The following TGFBR2 variants were observed in gnomAD, a reference collection of about 807,000 sequenced individuals.
TGFBR2 encodes the protein transforming growth factor beta receptor 2.
A neutral mutation model predicts 49.0 loss-of-function variants in TGFBR2; 18 were observed. The ratio of observed to expected loss-of-function variants is 0.37; its 90% CI spans 0.25 to 0.54. The LOEUF is 0.54. Ranked by LOEUF, TGFBR2 falls within the 20% of genes least tolerant of loss-of-function variation. The probability of loss-of-function intolerance (pLI) is 0.85; values close to 1 mark genes in which losing one functional copy is unlikely to be tolerated. For synonymous variants in TGFBR2, 282 were observed against 275.9 expected (o/e 1.02, Z -0.22); for missense variants, 525 against 722.6 (o/e 0.73, Z 3.13).
At position 30,606,846 on chromosome 3, in the gene TGFBR2, G is replaced by A; in HGVS notation, c.-38G>A. The A allele has an allele frequency of 1.5e-6, 2 of 1,362,084 alleles. No homozygotes were observed. The highest frequency in any genetic ancestry group is 1.9e-6 in the Non-Finnish European group (2 of 1,033,040). The allele number at this position is 1,362,084 out of a possible 1,614,324, so 84.4% of individuals were successfully genotyped here. Reference sequence around the variant, plus strand: ...GGTCCGGGAAGGCGCCGTCCGCTGCGCTGGGGGCTCGGTCTATGACGAGCA... The same window carrying A: ...GGTCCGGGAAGGCGCCGTCCGCTGCACTGGGGGCTCGGTCTATGACGAGCA... On this transcript the variant is annotated 5_prime_UTR_variant, in exon 1 of 7. Transcript: ENST00000295754.
intron 1 of TGFBR2, among the ~76,000 whole-genome samples, chr3:30,611,863 C>T (rs1396406088): frequency 6.6e-6 from 1 of 152,094 alleles, no homozygotes; most frequent in African/African-American, 2.4e-5. Flanking sequence ...CATTATTTGG[C>T]CAAGTTCCAC....
intron 5 of TGFBR2, among the ~76,000 whole-genome samples, chr3:30,685,159 G>C (rs1699600378): frequency 6.6e-6 from 1 of 152,176 alleles, no homozygotes; most frequent in Admixed American, 6.5e-5. Flanking sequence ...GATAGTCAGA[G>C]GAGAAAGAAC....
At chr3:30,620,722 G>A (rs185828805) in intron 1 of TGFBR2, among the ~76,000 whole-genome samples, 17 of 152,100 alleles carry the variant, frequency 1.1e-4, no homozygotes, top group Middle Eastern at 6.8e-3. Context: ...ACCATCTCAC[G>A]CAGGACAATT....
intron 2 of TGFBR2, among the ~76,000 whole-genome samples, chr3:30,649,404 G>GTACAC (rs1169147039): frequency 1.3e-5 from 2 of 152,170 alleles, no homozygotes; most frequent in Non-Finnish European, 2.9e-5. Context: ...AAAATCTAAT[G>GTACAC]TACACTGACG....
At chr3:30,661,229 T>G (rs1699121160) in intron 3 of TGFBR2, among the ~76,000 whole-genome samples, 1 of 151,998 alleles carries the variant, frequency 6.6e-6, no homozygotes, top group Non-Finnish European at 1.5e-5. Context: ...GTCAGAAAAC[T>G]GCAATAACAC....
At chr3:30,619,155 C>T (rs1222172216) in intron 1 of TGFBR2, among the ~76,000 whole-genome samples, 1 of 152,058 alleles carries the variant, frequency 6.6e-6, no homozygotes, top group Admixed American at 6.5e-5. Context: ...ATTCCTGTTG[C>T]ATCAAATCTT....
chr3:30,642,014 C>T (rs13075948), intron 1 of TGFBR2, among the ~76,000 whole-genome samples: 40,075 of 151,916 alleles, frequency 0.26, 5,521 homozygotes, highest in Non-Finnish European at 0.29. Context: ...AAGCATCGGA[C>T]TTAAACCACT....
At chr3:30,606,494 G>C (rs1405576711), upstream of TGFBR2, 1 of 248,302 alleles carries the variant, frequency 4.0e-6, no homozygotes, top group Non-Finnish European at 7.8e-6. Context: ...CTAGGGGCTG[G>C]ACGTCGAGGA....
At chr3:30,644,359 G>A (rs571286259) in intron 1 of TGFBR2, among the ~76,000 whole-genome samples, 1 of 152,264 alleles carries the variant, frequency 6.6e-6, no homozygotes, top group Admixed American at 6.5e-5. Flanking sequence ...TCTGTTTCCT[G>A]TCTTATTCAC....
intron 3 of TGFBR2, among the ~76,000 whole-genome samples, chr3:30,653,250 C>CTTTT (rs3076740): frequency 0.6 from 67,773 of 112,308 alleles, 21,740 homozygotes; most frequent in Non-Finnish European, 0.69. Flanking sequence ...GGAATGAAAA[C>CTTTT]TTTTTTTTTT....
intron 1 of TGFBR2, among the ~76,000 whole-genome samples, chr3:30,629,874 T>C (rs1188791759): frequency 6.6e-6 from 1 of 152,204 alleles, no homozygotes; most frequent in African/African-American, 2.4e-5. Context: ...GATAATGTGA[T>C]ATTTGAGCAG....
intron 3 of TGFBR2, among the ~76,000 whole-genome samples, chr3:30,654,895 A>ATT (rs1698966082): frequency 6.6e-6 from 1 of 152,242 alleles, no homozygotes; most frequent in Non-Finnish European, 1.5e-5. Flanking sequence ...GCAGTCAGAC[A>ATT]TTTAATTTGT....
chr3:30,664,782 TA>T (rs761754436), intron 3 of TGFBR2, among the ~76,000 whole-genome samples: 1 of 152,248 alleles, frequency 6.6e-6, no homozygotes, highest in African/African-American at 2.4e-5. Flanking sequence ...TCCACTATTT[TA>T]AATAAAAGTC....
At chr3:30,609,048 A>G (rs543776733) in intron 1 of TGFBR2, among the ~76,000 whole-genome samples, 45 of 152,212 alleles carry the variant, frequency 3.0e-4, no homozygotes, top group Non-Finnish European at 5.3e-4. Flanking sequence ...CATTTCATCA[A>G]TATACACACT....
At chr3:30,658,922 C>T (rs1699058131) in intron 3 of TGFBR2, among the ~76,000 whole-genome samples, 1 of 152,170 alleles carries the variant, frequency 6.6e-6, no homozygotes, top group Admixed American at 6.5e-5. Flanking sequence ...TGATCGCATG[C>T]ATTGAGCATT....
chr3:30,620,680 T>C (rs1698212951), intron 1 of TGFBR2, among the ~76,000 whole-genome samples: 3 of 152,156 alleles, frequency 2.0e-5, no homozygotes, highest in East Asian at 1.9e-4. Context: ...ATTATGACTA[T>C]AGAGACCAGG....
chr3:30,607,799 A>AAATATATATATATATATTATATATATAT (rs1367214755), intron 1 of TGFBR2, among the ~76,000 whole-genome samples: 5 of 138,316 alleles, frequency 3.6e-5, no homozygotes, highest in African/African-American at 1.4e-4. Context: ...AAAATAAAAA[A>AAATATATATATATATATTATATATATAT]ATATATATAT....
intron 3 of TGFBR2, among the ~76,000 whole-genome samples, chr3:30,658,156 G>T (rs9844113): frequency 1.7e-4 from 26 of 152,156 alleles, no homozygotes; most frequent in African/African-American, 5.8e-4. Flanking sequence ...ACAAAAACAG[G>T]GCTCAGGCCA....
intron 5 of TGFBR2, among the ~76,000 whole-genome samples, chr3:30,680,996 G>A (rs1699529430): frequency 6.6e-6 from 1 of 152,024 alleles, no homozygotes; most frequent in Admixed American, 6.6e-5. Context: ...GTCATCCCCA[G>A]CCAAACTGGC....
Sources: gnomAD v4.1 joint callset for allele counts (sites outside exome capture counted in the v4.1 genomes callset) on GRCh38, gnomAD v4.1.1 for gene constraint, MANE v1.5 for transcripts, NCBI Gene and HGNC (gene_info 2026-07-23, HGNC 2026-07-21) for gene names.